Variants in SHTN1 observed in about 807,000 individuals in gnomAD.
SHTN1 encodes shootin 1, also known as shootin-1.
Under a neutral mutation model 83.1 loss-of-function variants are expected in SHTN1, and 42 were observed. That is an observed-to-expected ratio of 0.51 (90% CI 0.39 to 0.65). The LOEUF (loss-of-function observed/expected upper bound fraction) is 0.65. SHTN1 is among the 30% of genes least tolerant of loss of function. The pLI is 0.00. For missense variants in SHTN1, 622 were observed against 737.8 expected, an observed-to-expected ratio of 0.84 and a Z score of 1.82; for synonymous variants, 224 against 247.7, an observed-to-expected ratio of 0.90 and a Z score of 0.90.
At chr10:116,897,184 G>GT (rs1847553689) in intron 16 of SHTN1, among the ~76,000 whole-genome samples, 1 of 152,172 alleles carries the variant, frequency 6.6e-6, no homozygotes, top group Admixed American at 6.5e-5. Context: ...GCTGCAATGG[G>GT]TATGTTGGCC....
chr10:116,973,745 G>A (rs1850698018), intron 2 of SHTN1: 1 of 564,334 alleles, frequency 1.8e-6, no homozygotes, highest in African/African-American at 1.9e-5. Context: ...CACTAAGTCT[G>A]AAGAAGTTTA....
intron 1 of SHTN1, among the ~76,000 whole-genome samples, chr10:117,077,989 G>T (rs1474521515): frequency 6.6e-6 from 1 of 152,138 alleles, no homozygotes; most frequent in Non-Finnish European, 1.5e-5. Flanking sequence ...ATCGAAGAAG[G>T]TCGACGATTA....
chr10:117,049,563 C>A (rs1564941766), intron 1 of SHTN1, among the ~76,000 whole-genome samples: 1 of 152,138 alleles, frequency 6.6e-6, no homozygotes, highest in African/African-American at 2.4e-5. Context: ...TCCTAGCCAG[C>A]ACAATGACTG....
At chr10:117,073,242 G>C (rs1298797643) in intron 1 of SHTN1, among the ~76,000 whole-genome samples, 1 of 152,208 alleles carries the variant, frequency 6.6e-6, no homozygotes, top group Admixed American at 6.5e-5. Flanking sequence ...AATAATTGGT[G>C]TTCCTGAGGA....
intron 1 of SHTN1, 42 bp downstream of exon 1, chr10:117,004,980 C>A (rs1412813206): frequency 6.4e-7 from 1 of 1,554,362 alleles, no homozygotes; most frequent in Non-Finnish European, 8.7e-7. Flanking sequence ...TCCCCGCCCA[C>A]GGGCCGCGGC....
At position 116,881,533 on chromosome 10, in the gene SHTN1, C is replaced by T; in HGVS notation, c.*4811G>A. On this transcript the variant is annotated 3_prime_UTR_variant, in exon 17 of 17. Transcript: ENST00000355371. The stretch of plus-strand genomic sequence containing the variant: ...TAAATAGGTTTCAAAGAAGAACACA[C>T]TTTTTTTTACTTTAATGAGGAAGCT... 6.5e-6 allele frequency: 10 copies of T among 1,543,152 alleles called. No homozygotes were observed. Among genetic ancestry groups the T allele is most frequent in the Non-Finnish European group, 8.7e-6 (10 of 1,144,376 alleles).
At chr10:116,950,165 T>C (rs891770883) in intron 6 of SHTN1, among the ~76,000 whole-genome samples, 1 of 152,128 alleles carries the variant, frequency 6.6e-6, no homozygotes, top group Non-Finnish European at 1.5e-5. Context: ...TGGATGTTCA[T>C]TAAAAATAAT....
intron 1 of SHTN1, among the ~76,000 whole-genome samples, chr10:117,072,101 G>A (rs10787754): frequency 0.69 from 104,393 of 152,092 alleles, 38,155 homozygotes; most frequent in Middle Eastern, 0.84. Flanking sequence ...TACAGTGAAT[G>A]AAGAAAAATT....
rs889656852 is a variant in SHTN1, at chr10:116,925,792, T to A, written c.1112+2000A>T. ...CTATCTATTCTTGGAGTCAAATGAGTGGGAAGAGAAGGGAAAAGCAGTAAG... is the reference window on the plus strand; with the variant it reads ...CTATCTATTCTTGGAGTCAAATGAGAGGGAAGAGAAGGGAAAAGCAGTAAG... On this transcript the variant is annotated intron_variant, in intron 11 of 16. Coordinates refer to ENST00000355371, the MANE Select transcript of SHTN1 (RefSeq NM_001127211.3). Among the ~76,000 whole-genome samples, 5 of 152,016 alleles carry A rather than the reference T, an allele frequency of 3.3e-5. No individual in the cohort carries two copies. The South Asian group carries it at 8.3e-4, about 25-fold the overall frequency.
chr10:116,894,425 G>C (rs761106935), intron 16 of SHTN1, among the ~76,000 whole-genome samples: 1 of 152,138 alleles, frequency 6.6e-6, no homozygotes, highest in Non-Finnish European at 1.5e-5. Context: ...CTGCCTGTCT[G>C]GCAGTTAAAA....
intron 1 of SHTN1, among the ~76,000 whole-genome samples, chr10:117,071,980 C>T (rs992945761): frequency 6.6e-6 from 1 of 152,190 alleles, no homozygotes; most frequent in African/African-American, 2.4e-5. Flanking sequence ...TTTCTAAGGA[C>T]TTTCATTCTG....
chr10:117,068,855 A>G lies in SHTN1; in HGVS notation c.-188-20345T>C, dbSNP rs148263961. Among the ~76,000 whole-genome samples the G allele has an allele frequency of 4.9e-3, 752 of 152,288 alleles. 11 individuals are homozygous for G. Among genetic ancestry groups the G allele is most frequent in the African/African-American group, 0.017 (711 of 41,560 alleles). On this transcript the variant is annotated intron_variant, in intron 1 of 17. Coordinates refer to the SHTN1 transcript ENST00000392901. Reference sequence around the variant, plus strand: ...TGCTGGTAATTTTTGCAGCTGAGTGATGAGTACACAGACATTAATTAAACC... The same window carrying G: ...TGCTGGTAATTTTTGCAGCTGAGTGGTGAGTACACAGACATTAATTAAACC...
At chr10:117,020,944 T>G (rs749213334) in intron 2 of SHTN1, among the ~76,000 whole-genome samples, 18 of 151,838 alleles carry the variant, frequency 1.2e-4, no homozygotes, top group Non-Finnish European at 2.5e-4. Context: ...GAGCTTCTAC[T>G]CAATAATAAT....
At chr10:116,985,776 T>A (rs1280698155) in intron 1 of SHTN1, among the ~76,000 whole-genome samples, 1 of 152,220 alleles carries the variant, frequency 6.6e-6, no homozygotes, top group African/African-American at 2.4e-5. Context: ...TTGAGATACC[T>A]CTTACTAATG....
chr10:116,900,858 GA>G (rs546526942), intron 16 of SHTN1: 1 of 984,796 alleles, frequency 1.0e-6, no homozygotes, highest in Admixed American at 6.2e-5. Context: ...TTCCAGAAGA[GA>G]AAAAAAAGTT....
chr10:116,896,708 C>T (rs958757154), intron 16 of SHTN1, among the ~76,000 whole-genome samples: 4 of 152,108 alleles, frequency 2.6e-5, no homozygotes, highest in South Asian at 2.1e-4. Flanking sequence ...AGAGCGGCTC[C>T]GAAGCAGTCG....
At chr10:116,914,246 G>A (rs1423202059) in intron 13 of SHTN1, among the ~76,000 whole-genome samples, 1 of 152,096 alleles carries the variant, frequency 6.6e-6, no homozygotes, top group Non-Finnish European at 1.5e-5. Flanking sequence ...GGCCAAGGTG[G>A]ACAGATCATG....
chr10:117,065,781 A>AAAGAAAGAAAGAAAGC (rs1852980848), intron 1 of SHTN1, among the ~76,000 whole-genome samples: 1 of 15,992 alleles, frequency 6.3e-5, no homozygotes, highest in African/African-American at 2.4e-4. Context: ...AGAAAGAAAG[A>AAAGAAAGAAAGAAAGC]AAGGAAGGAA....
upstream of SHTN1, among the ~76,000 whole-genome samples, chr10:117,006,232 T>C (rs1171626784): frequency 4.7e-5 from 1 of 21,058 alleles, no homozygotes; most frequent in South Asian, 3.1e-3. Context: ...ATAATGCAGT[T>C]TTTTTTTGTT....
Sources: allele counts gnomAD v4.1 joint callset (sites outside exome capture counted in the v4.1 genomes callset), GRCh38; gene constraint gnomAD v4.1.1; transcripts MANE v1.5; gene names NCBI Gene and HGNC (gene_info 2026-07-23, HGNC 2026-07-21).